The following COG5 variants were observed in gnomAD, a reference collection of about 807,000 sequenced individuals.
COG5 encodes conserved oligomeric Golgi complex subunit 5.
COG5 carries 86 observed loss-of-function variants against 110.4 expected under a neutral mutation model. That is an observed-to-expected ratio of 0.78 (90% CI 0.65 to 0.93). The LOEUF (loss-of-function observed/expected upper bound fraction) is 0.93. COG5 is among the 40% of genes least tolerant of loss of function. COG5 has a pLI of 0.00. For synonymous variants in COG5, 360 were observed against 334.6 expected, an observed-to-expected ratio of 1.08 and a Z score of -0.83; for missense variants, 1,077 against 987.0, an observed-to-expected ratio of 1.09 and a Z score of -1.22.
At chr7:107,327,049 T>C (rs949434500) in intron 10 of COG5, among the ~76,000 whole-genome samples, 2 of 151,844 alleles carry the variant, frequency 1.3e-5, no homozygotes, top group Non-Finnish European at 1.5e-5. Context: ...GAAAAAACCA[T>C]ATTACCAAGC....
At chr7:107,275,550 T>A (rs1371300683) in intron 14 of COG5, among the ~76,000 whole-genome samples, 1 of 151,940 alleles carries the variant, frequency 6.6e-6, no homozygotes, top group African/African-American at 2.4e-5. Context: ...CATTAAATAA[T>A]ACTTTTATTT....
chr7:107,308,392 T>C (rs1807914008), intron 11 of COG5, among the ~76,000 whole-genome samples: 1 of 152,168 alleles, frequency 6.6e-6, no homozygotes. Context: ...AAACCACTGA[T>C]ATAGGTAAGA....
intron 11 of COG5, among the ~76,000 whole-genome samples, chr7:107,307,176 A>G (rs1807800385): frequency 6.6e-6 from 1 of 152,128 alleles, no homozygotes; most frequent in Non-Finnish European, 1.5e-5. Flanking sequence ...CTGCCACAAC[A>G]CCACTGAAAT....
intron 21 of COG5, chr7:107,209,311 C>CT (rs1372669096): frequency 1.2e-6 from 1 of 865,918 alleles, no homozygotes. Flanking sequence ...TCCGGCTTGG[C>CT]TAGTTAGGTG....
Position 107,415,960 on chromosome 7 carries a change from A to G in COG5, c.539-3328T>C, listed in dbSNP as rs1160339623. On this transcript the variant is annotated intron_variant, in intron 6 of 21. Coordinates refer to ENST00000297135, the MANE Select transcript of COG5 (RefSeq NM_006348.5). ...TACACGTATGTATGTATGTGTGTGTATATACACACACATACACGTATGTAT... is the reference window on the plus strand; with the variant it reads ...TACACGTATGTATGTATGTGTGTGTGTATACACACACATACACGTATGTAT... Among the ~76,000 whole-genome samples, 66 of 119,464 alleles carry G rather than the reference A, an allele frequency of 5.5e-4. 3 individuals are homozygous for G. Among genetic ancestry groups the G allele is most frequent in the African/African-American group, 1.5e-3 (53 of 35,002 alleles). 78.4% of individuals were successfully genotyped at this position (119,464 alleles called of 152,430 possible).
intron 10 of COG5, among the ~76,000 whole-genome samples, chr7:107,356,019 T>C (rs749884946): frequency 1.3e-5 from 2 of 152,232 alleles, no homozygotes; most frequent in Admixed American, 6.5e-5. Context: ...CATAACATTG[T>C]ACTTTCTGCT....
At chr7:107,227,227 A>G (rs913927372) in intron 19 of COG5, among the ~76,000 whole-genome samples, 3 of 152,224 alleles carry the variant, frequency 2.0e-5, no homozygotes, top group Non-Finnish European at 4.4e-5. Context: ...AGGTTATCAC[A>G]TGAAGTAAGG....
chr7:107,348,125 C>CAAAAA (rs34140927), intron 10 of COG5, among the ~76,000 whole-genome samples: 1 of 51,238 alleles, frequency 2.0e-5, no homozygotes, highest in Non-Finnish European at 3.4e-5. Context: ...GACTCCATCT[C>CAAAAA]AAAAAAAAAA....
intron 10 of COG5, among the ~76,000 whole-genome samples, chr7:107,354,691 C>A (rs922805477): frequency 1.1e-4 from 17 of 152,116 alleles, no homozygotes; most frequent in African/African-American, 2.2e-4. Flanking sequence ...ACAACAACAA[C>A]AAAAAAGCGA....
intron 10 of COG5, among the ~76,000 whole-genome samples, chr7:107,355,748 A>C (rs572936139): frequency 4.6e-5 from 7 of 152,364 alleles, no homozygotes; most frequent in African/African-American, 1.4e-4. Flanking sequence ...TAAAAAGATC[A>C]GTGGTTACAG....
chr7:107,258,152 A>T, intron 15 of COG5, 121 bp downstream of exon 15: 1 of 670,104 alleles, frequency 1.5e-6, no homozygotes, highest in Non-Finnish European at 2.6e-6. Flanking sequence ...AGTTTATTTT[A>T]TAATCATCAC....
At chr7:107,468,513 C>T (rs10244871) in intron 6 of COG5, among the ~76,000 whole-genome samples, 63,279 of 151,742 alleles carry the variant, frequency 0.42, 13,619 homozygotes, top group Non-Finnish European at 0.47. Context: ...ACTTTCAAAA[C>T]GCATGAATAG....
intron 6 of COG5, among the ~76,000 whole-genome samples, chr7:107,462,763 T>C (rs1397308833): frequency 6.6e-6 from 1 of 152,152 alleles, no homozygotes; most frequent in Non-Finnish European, 1.5e-5. Context: ...TATTACCATA[T>C]CTGATACAAT....
intron 6 of COG5, among the ~76,000 whole-genome samples, chr7:107,467,195 T>C (rs1181895105): frequency 6.6e-6 from 1 of 152,188 alleles, no homozygotes; most frequent in Non-Finnish European, 1.5e-5. Flanking sequence ...AGCTGTATTT[T>C]GGGGTTAGAA....
At chr7:107,548,511 C>G (rs969997615) in intron 3 of COG5, among the ~76,000 whole-genome samples, 179 bp from the exon 4 acceptor site, 1 of 152,172 alleles carries the variant, frequency 6.6e-6, no homozygotes, top group African/African-American at 2.4e-5. Context: ...TGGTCTCCCC[C>G]TCCAATCTTT....
rs180678425 is a variant in COG5 at position 107,303,405 on chromosome 7, C to A, written c.1109-5059G>T. ...ACAAACAAGTATTATATATTTAAATCTTGACACTAAGTTTTTTTGTTTGTT... is the reference window on the plus strand; with the variant it reads ...ACAAACAAGTATTATATATTTAAATATTGACACTAAGTTTTTTTGTTTGTT... On this transcript the variant is annotated intron_variant, in intron 11 of 21. Coordinates refer to ENST00000297135, the MANE Select transcript of COG5 (RefSeq NM_006348.5). Among the ~76,000 whole-genome samples, 302 of 152,016 alleles carry A rather than the reference C, an allele frequency of 2.0e-3. 2 individuals are homozygous for A. The highest frequency in any genetic ancestry group is 6.9e-3 in the African/African-American group (286 of 41,478).
chr7:107,217,168 T>A (rs1799589005), intron 19 of COG5, among the ~76,000 whole-genome samples: 1 of 151,752 alleles, frequency 6.6e-6, no homozygotes, highest in Admixed American at 6.6e-5. Context: ...TAACACTGAA[T>A]CAAGAAGAAA....
At chr7:107,441,437 G>C (rs977909786) in intron 6 of COG5, among the ~76,000 whole-genome samples, 2 of 151,952 alleles carry the variant, frequency 1.3e-5, no homozygotes, top group East Asian at 1.9e-4. Flanking sequence ...TGTTTTTGTC[G>C]TTTATGCCTT....
At chr7:107,527,673 C>T (rs1020585953) in intron 5 of COG5, among the ~76,000 whole-genome samples, 1 of 152,154 alleles carries the variant, frequency 6.6e-6, no homozygotes, top group African/African-American at 2.4e-5. Flanking sequence ...AGGGAACACA[C>T]GGAAGTACTA....
Sources: gnomAD v4.1 joint callset for allele counts (sites outside exome capture counted in the v4.1 genomes callset) on GRCh38, gnomAD v4.1.1 for gene constraint, MANE v1.5 for transcripts, NCBI Gene and HGNC (gene_info 2026-07-23, HGNC 2026-07-21) for gene names.